BRPF3: variants seen among roughly 807,000 people sequenced by gnomAD.
BRPF3 encodes the protein bromodomain and PHD finger-containing protein 3.
BRPF3 carries 18 observed loss-of-function variants against 102.0 expected under a neutral mutation model. The observed-to-expected ratio is 0.18, with a 90% CI of 0.12 to 0.26. The LOEUF (loss-of-function observed/expected upper bound fraction) is 0.26, where lower values mean the gene tolerates loss of function less well. BRPF3 is among the 10% of genes least tolerant of loss of function. The probability of loss-of-function intolerance (pLI) is 1.00; values close to 1 mark genes in which losing one functional copy is unlikely to be tolerated. For synonymous variants in BRPF3, 570 were observed against 614.2 expected, an observed-to-expected ratio of 0.93 and a Z score of 1.06; for missense variants, 1,147 against 1,567.8, an observed-to-expected ratio of 0.73 and a Z score of 4.53.
At position 36,230,374 on chromosome 6, in the gene BRPF3, G is replaced by A; in HGVS notation, c.3435-52G>A. 1 of 1,582,668 alleles carries A rather than the reference G, an allele frequency of 6.3e-7. No individual in the cohort carries two copies. Among genetic ancestry groups the A allele is most frequent in the Non-Finnish European group, 8.6e-7 (1 of 1,157,652 alleles). On this transcript the variant is annotated intron_variant, in intron 12 of 12. Transcript: ENST00000357641. This position sits in a 1 kb window ranked among gnomAD's most constrained non-coding sequence, Gnocchi z 5.4. ...GCCAAGTGGGGCCACAGGAGCCCGA[G>A]CCCCCTGTGAGACCCACTACTGCCC... is the stretch of plus-strand genomic sequence containing the variant.
At chr6:36,229,911 C>G (rs1186649300) in intron 12 of BRPF3, among the ~76,000 whole-genome samples, 1 of 152,162 alleles carries the variant, frequency 6.6e-6, no homozygotes, top group African/African-American at 2.4e-5. Context: ...AACTAAGATA[C>G]AAAACAAGAT....
At chr6:36,202,417 C>CA (rs1033048943) in intron 2 of BRPF3, among the ~76,000 whole-genome samples, 4 of 140,692 alleles carry the variant, frequency 2.8e-5, no homozygotes, top group South Asian at 5.3e-4. Flanking sequence ...TGGACCCCCC[C>CA]CCCCTCCGCC....
At chr6:36,217,379 G>C (rs1768366538) in intron 8 of BRPF3, among the ~76,000 whole-genome samples, 1 of 152,192 alleles carries the variant, frequency 6.6e-6, no homozygotes, top group Admixed American at 6.5e-5. Context: ...AGATATCTCA[G>C]GGTGTGGTTG....
At chr6:36,213,488 G>A (rs1051567285) in intron 7 of BRPF3, among the ~76,000 whole-genome samples, 14 of 152,208 alleles carry the variant, frequency 9.2e-5, no homozygotes, top group Admixed American at 8.5e-4. Flanking sequence ...GAGGCCAGGA[G>A]TTTGAGACCA....
chr6:36,212,552 T>C (rs896148666), intron 7 of BRPF3, among the ~76,000 whole-genome samples: 2 of 132,072 alleles, frequency 1.5e-5, no homozygotes, highest in African/African-American at 5.9e-5. Flanking sequence ...TTGTGCCCAG[T>C]AGGCCAACAG....
chr6:36,219,405 C>T (rs78985228), intron 9 of BRPF3, among the ~76,000 whole-genome samples: 118 of 152,306 alleles, frequency 7.7e-4, no homozygotes, highest in African/African-American at 2.4e-3. Flanking sequence ...GTTGAAGTTC[C>T]TGACTCCCTT....
At chr6:36,207,105 G>T (rs1040251711) in intron 3 of BRPF3, among the ~76,000 whole-genome samples, 43 of 152,100 alleles carry the variant, frequency 2.8e-4, no homozygotes, top group African/African-American at 9.2e-4. Flanking sequence ...TCCAGCAAAG[G>T]TTATTGCTTT....
Position 36,196,827 on chromosome 6 carries a change from G to C in BRPF3, c.-170G>C, listed in dbSNP as rs912237286. ...GGCGGCCGGGCCGGGGCCCCAGCGC[G>C]GGCCGGGAGGGGGCACGGCGGAGGC... On this transcript the variant is annotated 5_prime_UTR_variant, in exon 1 of 13. Coordinates refer to ENST00000357641, the MANE Select transcript of BRPF3 (RefSeq NM_015695.3). 2 of 151,822 alleles carry C rather than the reference G, an allele frequency of 1.3e-5. No individual in the cohort carries two copies. Among genetic ancestry groups the C allele is most frequent in the Admixed American group, 1.3e-4 (2 of 15,126 alleles). The allele number at this position is 151,822 out of a possible 1,614,324, so 9.4% of individuals were successfully genotyped here. A position where few individuals can be genotyped will look rare whatever the true frequency, so the allele number is the denominator to read the frequency against.
Position 36,197,936 on chromosome 6 carries a change from C to T in BRPF3, c.-27+966C>T, listed in dbSNP as rs529077467. Among the ~76,000 whole-genome samples, 107 of 152,220 alleles carry T rather than the reference C, an allele frequency of 7.0e-4. 3 individuals carry two copies. In the South Asian group the frequency reaches 0.021, roughly 30 times the overall value. On this transcript the variant is annotated intron_variant, in intron 1 of 12. Transcript: ENST00000357641. ...GCAGGTGGGGAAGGAGAAGATGGAG[C>T]GGCTTTCATGAAAGTGGGCGCCGCA...
rs767777978 is a variant in BRPF3 at position 36,201,674 on chromosome 6, G to A, written c.1352G>A (p.Ser451Asn). 9.3e-6 allele frequency: 15 copies of A among 1,614,216 alleles called. No individual in the cohort carries two copies. Among genetic ancestry groups the A allele is most frequent in the Middle Eastern group, 1.6e-4 (1 of 6,062 alleles). Residue 451 changes from serine (S) to asparagine (N), a missense_variant, in exon 2 of 13, where the codon AGT becomes AAT. By Grantham distance (46) the Ser-to-Asn change is conservative. Coordinates refer to ENST00000357641, the MANE Select transcript of BRPF3 (RefSeq NM_015695.3). This position sits in a 1 kb window ranked among gnomAD's most constrained non-coding sequence, Gnocchi z 5.1. ...LKGVPKKSKM[S>N]LKQKIKKEPE... Reference sequence around the variant, plus strand: ...GGAGTGCCCAAGAAAAGCAAGATGAGTTTGAAGCAGAAGATCAAGAAGGAG... The same window carrying A: ...GGAGTGCCCAAGAAAAGCAAGATGAATTTGAAGCAGAAGATCAAGAAGGAG...
In BRPF3 at chr6:36,232,412, C is replaced by T. The variant is rs2096570465; in HGVS notation, c.*1803C>T. The T allele has an allele frequency of 1.3e-5, 2 of 152,534 alleles. No homozygotes were observed. Among genetic ancestry groups the T allele is most frequent in the South Asian group, 4.1e-4 (2 of 4,836 alleles). 9.4% of individuals were successfully genotyped at this position (152,534 alleles called of 1,614,324 possible). On this transcript the variant is annotated 3_prime_UTR_variant, in exon 13 of 13. Coordinates refer to ENST00000357641, the MANE Select transcript of BRPF3 (RefSeq NM_015695.3). ...GTTGTAAGATCTTGGGACTTCCTCT[C>T]TTTCTATGTCTATCTCTTCCCCCCA...
At position 36,210,105 on chromosome 6, in the gene BRPF3, T is replaced by G; in HGVS notation, c.1867-111T>G. The G allele has an allele frequency of 6.9e-7, 1 of 1,458,828 alleles. No individual in the cohort carries two copies. The highest frequency in any genetic ancestry group is 1.2e-5 in the South Asian group (1 of 84,270). The allele number at this position is 1,458,828 out of a possible 1,614,324, so 90.4% of individuals were successfully genotyped here. Reference sequence around the variant, plus strand: ...TGGGCCAGGACTGTAGGTCTTTGAGTTAGCCTGGCATGGCCAAATCAGAAA... The same window carrying G: ...TGGGCCAGGACTGTAGGTCTTTGAGGTAGCCTGGCATGGCCAAATCAGAAA... On this transcript the variant is annotated intron_variant, in intron 5 of 12. Transcript: ENST00000357641. This position sits in a 1 kb window ranked among gnomAD's most constrained non-coding sequence, Gnocchi z 4.7.
intron 11 of BRPF3, among the ~76,000 whole-genome samples, chr6:36,226,096 C>T (rs1768730791): frequency 6.6e-6 from 1 of 152,174 alleles, no homozygotes; most frequent in Non-Finnish European, 1.5e-5. Context: ...TAGTTGGTCA[C>T]TTACATTGTT....
At chr6:36,217,328 G>A (rs770401171) in intron 8 of BRPF3, among the ~76,000 whole-genome samples, 1 of 152,140 alleles carries the variant, frequency 6.6e-6, no homozygotes, top group African/African-American at 2.4e-5. Context: ...CTTTAGTTCC[G>A]CTGAAGAGTG....
Position 36,204,777 on chromosome 6 carries a change from T to C in BRPF3, c.1568T>C (p.Leu523Ser), listed in dbSNP as rs1178190555. The C allele has an allele frequency of 6.2e-7, 1 of 1,614,104 alleles. No homozygotes were observed. The highest frequency in any genetic ancestry group is 8.5e-7 in the Non-Finnish European group (1 of 1,180,050). ...ARNGVPLIRR[L>S]HSHLQSQRNA... Reference sequence around the variant, plus strand: ...AATGGTGTCCCTCTTATCCGGCGCTTGCACTCCCATCTGCAGTCCCAAAGA... The same window carrying C: ...AATGGTGTCCCTCTTATCCGGCGCTCGCACTCCCATCTGCAGTCCCAAAGA... Residue 523 changes from leucine to serine, a missense_variant, in exon 3 of 13, where the codon TTG becomes TCG. This residue lies in a region of BRPF3 where 37 missense variants were observed against 33.3 expected (regional missense o/e 1.11). Transcript: ENST00000357641.
intron 3 of BRPF3, among the ~76,000 whole-genome samples, chr6:36,206,660 C>G (rs1408086358): frequency 1.3e-5 from 2 of 152,206 alleles, no homozygotes; most frequent in Non-Finnish European, 2.9e-5. Flanking sequence ...CTTTGCCCAT[C>G]CATGTCTGTC....
intron 1 of BRPF3, among the ~76,000 whole-genome samples, chr6:36,198,696 G>A (rs1378325737): frequency 6.6e-6 from 1 of 152,166 alleles, no homozygotes; most frequent in African/African-American, 2.4e-5. Context: ...CAACCAAGGC[G>A]ATGAATTGTT....
Position 36,217,818 on chromosome 6 carries a change from A to G in BRPF3, c.2990-99A>G, listed in dbSNP as rs1178285471. ...AGGGAAAGGAATAGCCATCCTCTCC[A>G]CTCGTCACTGAGCCCTCCTGAGGTG... On this transcript the variant is annotated intron_variant, in intron 8 of 12. Coordinates refer to ENST00000357641, the MANE Select transcript of BRPF3 (RefSeq NM_015695.3). 13 of 874,100 alleles carry G rather than the reference A, an allele frequency of 1.5e-5. No homozygotes were observed. In the East Asian group the frequency reaches 3.4e-4, roughly 23 times the overall value. 54.1% of individuals were successfully genotyped at this position (874,100 alleles called of 1,614,324 possible). A position where few individuals can be genotyped will look rare whatever the true frequency, so the allele number is the denominator to read the frequency against.
At chr6:36,203,855 T>C (rs1417391928) in intron 2 of BRPF3, among the ~76,000 whole-genome samples, 2 of 152,230 alleles carry the variant, frequency 1.3e-5, no homozygotes, top group Admixed American at 6.5e-5. Flanking sequence ...ATTAGTTACT[T>C]TGACAGTTTA....
Sources: allele counts gnomAD v4.1 joint callset (sites outside exome capture counted in the v4.1 genomes callset), GRCh38; gene constraint gnomAD v4.1.1; regional missense constraint gnomAD v4.1.1; non-coding constraint Gnocchi (gnomAD v3.1); transcripts MANE v1.5; gene names NCBI Gene and HGNC (gene_info 2026-07-23, HGNC 2026-07-21).